The following PASD1 variants were observed in gnomAD, a reference collection of about 807,000 sequenced individuals.
The protein encoded by PASD1 is circadian clock protein PASD1.
Under a neutral mutation model 58.8 loss-of-function variants are expected in PASD1, and 13 were observed. The ratio of observed to expected loss-of-function variants is 0.22; its 90% CI spans 0.14 to 0.35. The LOEUF is 0.35. PASD1 is among the 10% of genes least tolerant of loss of function. The pLI is 1.00. For synonymous variants in PASD1, 236 were observed against 216.7 expected, an observed-to-expected ratio of 1.09 and a Z score of -0.78; for missense variants, 734 against 568.3, an observed-to-expected ratio of 1.29 and a Z score of -2.96.
rs2014457106 is a variant in PASD1, at chrX:151,670,805, T to A, written c.1072-233T>A. 3.6e-5 allele frequency among the ~76,000 whole-genome samples: 4 copies of A among 112,491 alleles called. No homozygotes were observed. The South Asian group carries it at 1.5e-3, about 42-fold the overall frequency. ...TTCATGTCTCTGGGCCAATTCCACT[T>A]CTTTCTTTTTGGGAAAAGAATCAGG... On this transcript the variant is annotated intron_variant, in intron 11 of 15. Transcript: ENST00000370357.
intron 1 of PASD1, among the ~76,000 whole-genome samples, chrX:151,588,066 T>C (rs1053035238): frequency 1.8e-4 from 20 of 112,297 alleles, no homozygotes; most frequent in Non-Finnish European, 3.6e-4. Flanking sequence ...ATAAACCTTA[T>C]ATGAGAAGAG....
At chrX:151,590,942 A>G (rs980813971) in intron 1 of PASD1, among the ~76,000 whole-genome samples, 1 of 111,967 alleles carries the variant, frequency 8.9e-6, no homozygotes, top group African/African-American at 3.3e-5. Flanking sequence ...GTTCTGGGAG[A>G]TATGGCACAT....
In PASD1 at chrX:151,589,556, A is replaced by G. The variant is rs969021994; in HGVS notation, c.-27-11971A>G. On this transcript the variant is annotated intron_variant, in intron 1 of 15. Coordinates refer to ENST00000370357, the MANE Select transcript of PASD1 (RefSeq NM_173493.3). ...TAGCCACTTCATATACATTAACTTA[A>G]TTCTCATAAAAACCTTGGCATGTAG... Among the ~76,000 whole-genome samples the G allele has an allele frequency of 8.0e-5, 9 of 112,122 alleles. 1 individual carries two copies. The highest frequency in any genetic ancestry group is 2.6e-4 in the African/African-American group (8 of 30,807).
At chrX:151,626,698 A>G (rs990854409) in intron 8 of PASD1, among the ~76,000 whole-genome samples, 1 of 112,189 alleles carries the variant, frequency 8.9e-6, no homozygotes, top group Non-Finnish European at 1.9e-5. Context: ...AAAATAAAAT[A>G]AGCAAACAAG....
intron 1 of PASD1, among the ~76,000 whole-genome samples, chrX:151,564,076 C>T (rs990883866): frequency 2.7e-5 from 3 of 112,914 alleles, no homozygotes; most frequent in African/African-American, 9.6e-5. Context: ...ACATTCTGAA[C>T]CTCCTCCTGC....
At chrX:151,616,009 A>T (rs2013632653) in intron 4 of PASD1, among the ~76,000 whole-genome samples, 1 of 112,086 alleles carries the variant, frequency 8.9e-6, no homozygotes, top group African/African-American at 3.2e-5. Context: ...CTTATGTAAG[A>T]GCCTGAAAGC....
intron 1 of PASD1, among the ~76,000 whole-genome samples, chrX:151,576,026 A>ATTTT (rs5904322): frequency 2.6e-4 from 25 of 94,945 alleles, no homozygotes; most frequent in East Asian, 6.8e-4. Context: ...ACCATACCTA[A>ATTTT]TTTTTTTTTT....
At chrX:151,668,092 A>C (rs898061539) in intron 11 of PASD1, among the ~76,000 whole-genome samples, 1 of 111,254 alleles carries the variant, frequency 9.0e-6, no homozygotes, top group African/African-American at 3.3e-5. Flanking sequence ...CCAGTTTTCA[A>C]AGGGAATGCT....
At chrX:151,571,669 T>C (rs2012929753) in intron 1 of PASD1, among the ~76,000 whole-genome samples, 2 of 112,377 alleles carry the variant, frequency 1.8e-5, no homozygotes, top group Non-Finnish European at 3.8e-5. Context: ...CCATGTTTCA[T>C]TGATGCCTAA....
At chrX:151,612,385 T>C (rs2013575887) in intron 4 of PASD1, among the ~76,000 whole-genome samples, 1 of 108,440 alleles carries the variant, frequency 9.2e-6, no homozygotes, top group Admixed American at 9.8e-5. Context: ...CCCTGAGGAA[T>C]CGCCACACTG....
At chrX:151,639,165 C>A (rs759931233) in intron 8 of PASD1, among the ~76,000 whole-genome samples, 73 of 112,598 alleles carry the variant, frequency 6.5e-4, no homozygotes, top group Non-Finnish European at 9.8e-4. Flanking sequence ...AGCCTTTGCA[C>A]AAGTTTGTGT....
At position 151,577,551 on chromosome X, in the gene PASD1, G is replaced by A. The variant is rs774934658; in HGVS notation, c.-28+13712G>A. On this transcript the variant is annotated intron_variant, in intron 1 of 15. Coordinates refer to ENST00000370357, the MANE Select transcript of PASD1 (RefSeq NM_173493.3). ...TTTATTTATTTATTTATGAGATGAAGTCTTGCTCTGTTGCCCAGGCTGGAG... is the reference window on the plus strand; with the variant it reads ...TTTATTTATTTATTTATGAGATGAAATCTTGCTCTGTTGCCCAGGCTGGAG... 3.6e-5 allele frequency among the ~76,000 whole-genome samples: 4 copies of A among 111,331 alleles called. No homozygotes were observed. The South Asian group carries it at 1.5e-3, about 43-fold the overall frequency.
At chrX:151,637,533 G>A (rs747185354) in intron 8 of PASD1, among the ~76,000 whole-genome samples, 4 of 110,997 alleles carry the variant, frequency 3.6e-5, no homozygotes, top group Admixed American at 2.9e-4. Flanking sequence ...TCACCACTAC[G>A]CCTGGCTAAT....
At chrX:151,603,266 C>A (rs1609627) in intron 2 of PASD1, among the ~76,000 whole-genome samples, 1 of 111,581 alleles carries the variant, frequency 9.0e-6, no homozygotes, top group Admixed American at 9.5e-5. Context: ...AAGAGGTTCA[C>A]TTTAACAACA....
At chrX:151,647,368 A>G (rs1349641993) in intron 8 of PASD1, among the ~76,000 whole-genome samples, 1 of 111,405 alleles carries the variant, frequency 9.0e-6, no homozygotes, top group Non-Finnish European at 1.9e-5. Flanking sequence ...ATGTAATAAT[A>G]TAGGAATTTT....
intron 1 of PASD1, among the ~76,000 whole-genome samples, chrX:151,570,069 C>T (rs2012904844): frequency 9.0e-6 from 1 of 111,651 alleles, no homozygotes; most frequent in African/African-American, 3.2e-5. Context: ...GACAACTTCT[C>T]TGCTTTTTGG....
At chrX:151,582,825 A>T (rs868420496) in intron 1 of PASD1, among the ~76,000 whole-genome samples, 2 of 106,921 alleles carry the variant, frequency 1.9e-5, no homozygotes, top group Non-Finnish European at 3.8e-5. Flanking sequence ...TCTCTCTCCT[A>T]TTTTTTTTTC....
At chrX:151,662,786 A>C (rs1321045728) in intron 10 of PASD1, among the ~76,000 whole-genome samples, 1 of 112,187 alleles carries the variant, frequency 8.9e-6, no homozygotes, top group East Asian at 2.8e-4. Flanking sequence ...TGATTTTTCC[A>C]ATACATAAAC....
intron 8 of PASD1, among the ~76,000 whole-genome samples, chrX:151,635,201 G>A (rs941439715): frequency 2.7e-5 from 3 of 111,040 alleles, no homozygotes; most frequent in African/African-American, 9.8e-5. Context: ...GACTTTTCAG[G>A]TTCATTTTGT....
Sources: gnomAD v4.1 joint callset for allele counts (sites outside exome capture counted in the v4.1 genomes callset) on GRCh38, gnomAD v4.1.1 for gene constraint, MANE v1.5 for transcripts, NCBI Gene and HGNC (gene_info 2026-07-23, HGNC 2026-07-21) for gene names.